OXR1: variants seen among roughly 807,000 people sequenced by gnomAD.
The protein encoded by OXR1 is oxidation resistance protein 1.
A neutral mutation model predicts 104.6 loss-of-function variants in OXR1; 41 were observed. The ratio of observed to expected loss-of-function variants is 0.39; its 90% CI spans 0.31 to 0.51. The LOEUF (loss-of-function observed/expected upper bound fraction) is 0.51, where lower values mean the gene tolerates loss of function less well. Among genes scored for constraint, OXR1 ranks in the 20% least tolerant of loss-of-function variants. OXR1 has a pLI of 0.77. For synonymous variants in OXR1, 348 were observed against 348.4 expected, an observed-to-expected ratio of 1.00 and a Z score of 0.01; for missense variants, 955 against 1,031.9, an observed-to-expected ratio of 0.93 and a Z score of 1.02.
intron 2 of OXR1, chr8:106,448,115 T>G (rs1014260605): frequency 1.3e-6 from 2 of 1,496,860 alleles, no homozygotes; most frequent in African/African-American, 1.4e-5. Context: ...GTTTCCTAGT[T>G]CCATTATAAA....
At chr8:106,415,188 A>G (rs1818621746) in intron 2 of OXR1, among the ~76,000 whole-genome samples, 1 of 152,088 alleles carries the variant, frequency 6.6e-6, no homozygotes, top group Non-Finnish European at 1.5e-5. Flanking sequence ...TTTACTTTTC[A>G]CCATTTAACA....
At chr8:106,659,939 C>A (rs1825586035) in intron 3 of OXR1, among the ~76,000 whole-genome samples, 2 of 152,186 alleles carry the variant, frequency 1.3e-5, no homozygotes, top group Admixed American at 1.3e-4. Context: ...ATTGCATATT[C>A]TTTAATAGTC....
At chr8:106,402,731 G>A (rs540072126) in intron 2 of OXR1, among the ~76,000 whole-genome samples, 2 of 152,198 alleles carry the variant, frequency 1.3e-5, no homozygotes, top group Non-Finnish European at 2.9e-5. Context: ...AAGAATTACA[G>A]CATGAATTTT....
chr8:106,611,702 T>C (rs13265873), intron 3 of OXR1, among the ~76,000 whole-genome samples: 4,233 of 152,272 alleles, frequency 0.028, 82 homozygotes, highest in Admixed American at 0.051. Flanking sequence ...CCCCCATTCA[T>C]TCCTAACTGT....
intron 2 of OXR1, among the ~76,000 whole-genome samples, chr8:106,504,409 C>T (rs934967464): frequency 2.0e-5 from 3 of 152,112 alleles, no homozygotes; most frequent in African/African-American, 7.2e-5. Flanking sequence ...GGTTATTAAG[C>T]TTATCTTAGG....
chr8:106,312,657 TG>T (rs1426194220), intron 1 of OXR1, among the ~76,000 whole-genome samples: 1 of 152,224 alleles, frequency 6.6e-6, no homozygotes, highest in African/African-American at 2.4e-5. Context: ...CTCAGGTTGT[TG>T]CACCTATATG....
intron 3 of OXR1, among the ~76,000 whole-genome samples, chr8:106,528,004 G>A (rs1008589635): frequency 1.1e-4 from 16 of 152,162 alleles, no homozygotes; most frequent in African/African-American, 3.4e-4. Context: ...TGGTGAAAAC[G>A]ATGCAATAAT....
chr8:106,698,072 A>G, intron 7 of OXR1: 1 of 1,163,516 alleles, frequency 8.6e-7, no homozygotes, highest in Non-Finnish European at 1.3e-6. Context: ...CGGCACACTC[A>G]CTCAAGGCAA....
intron 3 of OXR1, among the ~76,000 whole-genome samples, chr8:106,661,216 G>A (rs1462787918): frequency 1.3e-5 from 2 of 152,220 alleles, no homozygotes; most frequent in East Asian, 1.9e-4. Flanking sequence ...TTTGGTCAAT[G>A]TTTCTGAGTT....
At chr8:106,502,410 T>G (rs1013263358) in intron 2 of OXR1, among the ~76,000 whole-genome samples, 12 of 152,194 alleles carry the variant, frequency 7.9e-5, no homozygotes, top group Non-Finnish European at 1.6e-4. Flanking sequence ...AATAAAGGAA[T>G]TCTCAGAAAA....
chr8:106,640,394 A>G (rs1250082457), intron 3 of OXR1, among the ~76,000 whole-genome samples: 1 of 151,310 alleles, frequency 6.6e-6, no homozygotes, highest in Admixed American at 6.6e-5. Context: ...ATACATATAT[A>G]TTAATGAACT....
At position 106,278,505 on chromosome 8, in the gene OXR1, A is replaced by G. The variant is rs568908130; in HGVS notation, c.-139+8138A>G. On this transcript the variant is annotated intron_variant, in intron 1 of 16. Transcript: ENST00000517566. ...CTAAAAAAAAAATCCAGAAAGGTTA[A>G]CTTGTTAAATGTATATTAAAAAAAA... Among the ~76,000 whole-genome samples the G allele has an allele frequency of 1.0e-3, 159 of 152,298 alleles. 1 individual carries two copies. Among genetic ancestry groups the G allele is most frequent in the Non-Finnish European group, 1.3e-3 (89 of 68,006 alleles).
intron 3 of OXR1, among the ~76,000 whole-genome samples, chr8:106,571,588 C>G (rs1473526229): frequency 6.6e-6 from 1 of 152,094 alleles, no homozygotes; most frequent in African/African-American, 2.4e-5. Flanking sequence ...TTCTTGCATG[C>G]AAAATATATT....
chr8:106,532,555 G>T (rs1016963909), intron 3 of OXR1, among the ~76,000 whole-genome samples: 3 of 152,096 alleles, frequency 2.0e-5, no homozygotes, highest in Admixed American at 6.6e-5. Flanking sequence ...TAATTAAAAA[G>T]CAAATTATCA....
intron 11 of OXR1, among the ~76,000 whole-genome samples, chr8:106,736,369 A>G (rs1834377903): frequency 6.6e-6 from 1 of 152,180 alleles, no homozygotes; most frequent in African/African-American, 2.4e-5. Context: ...AGCTTTTCAT[A>G]GTTACCTTAA....
At chr8:106,657,828 G>A (rs1003403861) in intron 3 of OXR1, 4 of 1,235,674 alleles carry the variant, frequency 3.2e-6, no homozygotes, top group Non-Finnish European at 4.1e-6. Context: ...CCCGGGCAGA[G>A]AGAGGGACGC....
intron 1 of OXR1, among the ~76,000 whole-genome samples, chr8:106,303,617 A>G (rs1010295165): frequency 3.3e-5 from 5 of 152,168 alleles, no homozygotes; most frequent in African/African-American, 1.2e-4. Context: ...CAGGATTCAA[A>G]GTCACCGTTG....
intron 1 of OXR1, among the ~76,000 whole-genome samples, chr8:106,274,910 C>T (rs565738903): frequency 1.1e-3 from 164 of 152,274 alleles, no homozygotes; most frequent in African/African-American, 3.7e-3. Flanking sequence ...ACGTGAAAAC[C>T]CAATAAATAT....
chr8:106,406,383 G>T (rs1818235044), intron 2 of OXR1, among the ~76,000 whole-genome samples: 1 of 152,056 alleles, frequency 6.6e-6, no homozygotes, highest in Admixed American at 6.6e-5. Flanking sequence ...TTTGAAAAGT[G>T]CCTGTCTCCC....
Sources: gnomAD v4.1 joint callset for allele counts (sites outside exome capture counted in the v4.1 genomes callset) on GRCh38, gnomAD v4.1.1 for gene constraint, MANE v1.5 for transcripts, NCBI Gene and HGNC (gene_info 2026-07-23, HGNC 2026-07-21) for gene names.